MUC4: variants seen among roughly 807,000 people sequenced by gnomAD.
MUC4 encodes mucin-4.
MUC4 carries 202 observed loss-of-function variants against 257.9 expected under a neutral mutation model. The observed-to-expected ratio is 0.78, with a 90% CI of 0.70 to 0.88. The LOEUF is 0.88. MUC4 is among the 40% of genes least tolerant of loss of function. MUC4 has a pLI of 0.00. For missense variants in MUC4, 5,976 were observed against 6,513.7 expected (o/e 0.92, Z 2.84); for synonymous variants, 2,351 against 2,757.1 (o/e 0.85, Z 4.62).
At position 195,762,131 on chromosome 3, in the gene MUC4, G is replaced by A; in HGVS notation, c.14468C>T (p.Ala4823Val). Residue 4823 changes from alanine to valine, a missense_variant, in exon 14 of 25, where the codon GCC (alanine) becomes GTC (valine). This residue lies in a region of MUC4 where 996 missense variants were observed against 1,137.3 expected (regional missense o/e 0.88). Transcript: ENST00000463781. ...IALSNILHAS[A>V]SLPPEYQNRT... is the part of the protein sequence containing the mutation. ...GTTCTGGTACTCGGGCGGGAGGCTG[G>A]CGGAGGCGTGGAGGATGTTGGAGAG... 6.2e-7 allele frequency: 1 copy of A among 1,608,000 alleles called. No homozygotes were observed. Among genetic ancestry groups the A allele is most frequent in the Non-Finnish European group, 8.5e-7 (1 of 1,178,398 alleles).
intron 18 of MUC4, among the ~76,000 whole-genome samples, chr3:195,754,728 A>T (rs1717164566): frequency 6.6e-6 from 1 of 150,952 alleles, no homozygotes; most frequent in Non-Finnish European, 1.5e-5. Flanking sequence ...GAATGAATGA[A>T]TGTATCCATG....
rs978636642 is a variant in MUC4 at position 195,757,767 on chromosome 3, C to T, written c.14987-439G>A. On this transcript the variant is annotated intron_variant, in intron 17 of 24. Coordinates refer to ENST00000463781, the MANE Select transcript of MUC4 (RefSeq NM_018406.7). This position sits in a 1 kb window ranked among gnomAD's most constrained non-coding sequence, Gnocchi z 4.8. The stretch of plus-strand genomic sequence containing the variant: ...CTCACCCACCCCCCACTTCCTGGAC[C>T]TTTCCCAGACACCCCCTTCAGACAC... Among the ~76,000 whole-genome samples, 3 of 152,156 alleles carry T rather than the reference C, an allele frequency of 2.0e-5. No individual in the cohort carries two copies. The highest frequency in any genetic ancestry group is 4.4e-5 in the Non-Finnish European group (3 of 68,026).
chr3:195,767,585 T>TCGCCACCACCACCAC, intron 7 of MUC4, among the ~76,000 whole-genome samples: 1 of 58,742 alleles, frequency 1.7e-5, no homozygotes, highest in Non-Finnish European at 3.3e-5. Context: ...ACCACCACCA[T>TCGCCACCACCACCAC]CACCACCACC....
chr3:195,763,727 T>A (rs1719754620), intron 11 of MUC4, 86 bp from the exon 12 acceptor site: 2 of 1,314,420 alleles, frequency 1.5e-6, no homozygotes, highest in Non-Finnish European at 2.0e-6. Context: ...GCGGCACTTG[T>A]CCAGGAGGAC....
At chr3:195,772,915 TA>T (rs1723375919) in intron 4 of MUC4, among the ~76,000 whole-genome samples, 1 of 134,892 alleles carries the variant, frequency 7.4e-6, no homozygotes, top group Non-Finnish European at 1.6e-5. Context: ...CTCAGGGGTG[TA>T]GACACCCTCT....
chr3:195,804,532 G>C (rs1234156283), intron 1 of MUC4, among the ~76,000 whole-genome samples: 2 of 152,234 alleles, frequency 1.3e-5, no homozygotes, highest in African/African-American at 2.4e-5. Context: ...CTAGCATCTG[G>C]TCTGTTTGTC....
intron 1 of MUC4, among the ~76,000 whole-genome samples, chr3:195,792,671 T>C (rs1057261741): frequency 3.9e-5 from 6 of 152,174 alleles, no homozygotes; most frequent in Admixed American, 2.0e-4. Flanking sequence ...GTTATAAAGA[T>C]ACATGCACAC....
chr3:195,778,563 G>C (rs1725559539), intron 2 of MUC4, 108 bp from the exon 3 acceptor site: 15 of 1,442,532 alleles, frequency 1.0e-5, no homozygotes, highest in Non-Finnish European at 1.2e-5. Flanking sequence ...GAAACTCCTT[G>C]TCTCTCCCCT....
In MUC4 at chr3:195,747,265, C is replaced by G. The variant is rs1380236849; in HGVS notation, c.16150G>C (p.Gly5384Arg). 2 of 1,614,124 alleles carry G rather than the reference C, an allele frequency of 1.2e-6. No homozygotes were observed. The highest frequency in any genetic ancestry group is 1.7e-6 in the Non-Finnish European group (2 of 1,180,042). Residue 5384 changes from glycine (G) to arginine (R), a missense_variant, in exon 25 of 25, where the codon GGG (glycine) becomes CGG (arginine). Around this residue, in one of 44 missense-constraint regions of MUC4, gnomAD observed 310 missense variants for 242.1 expected, o/e 1.28. Transcript: ENST00000463781. ...FGALGGLLLLGVGTFVVLRFW... is the reference protein window; with the variant it reads ...FGALGGLLLLRVGTFVVLRFW... ...CGCAGGACCACGAACGTCCCGACCC[C>G]CAGCAGCAAGAGGCCGCCCAGGGCC...
At position 195,783,060 on chromosome 3, in the gene MUC4, T is replaced by G; in HGVS notation, c.8520A>C (p.Ser2840=). The change falls in exon 2 of 25, where the codon TCA becomes TCC. Residue 2840 remains serine (S), a synonymous_variant. Coordinates refer to ENST00000463781, the MANE Select transcript of MUC4 (RefSeq NM_018406.7). ...ATSLPVTIPS[S]ASSGHTTPLP... ...GAGGGGTGGTGTGACCTGAGGATGC[T>G]GAGGAAGGGATGGTGACAGGAAGAG... The G allele has an allele frequency of 1.2e-6, 1 of 807,540 alleles. No individual in the cohort carries two copies. Among genetic ancestry groups the G allele is most frequent in the Admixed American group, 3.0e-5 (1 of 33,326 alleles). The allele number at this position is 807,540 out of a possible 1,614,324, so 50.0% of individuals were successfully genotyped here.
Position 195,789,339 on chromosome 3 carries a change from T to C in MUC4, c.2241A>G (p.Thr747=), listed in dbSNP as rs749260570. 1 of 1,613,892 alleles carries C rather than the reference T, an allele frequency of 6.2e-7. No homozygotes were observed. Among genetic ancestry groups the C allele is most frequent in the East Asian group, 2.2e-5 (1 of 44,876 alleles). ...ALTLANSVVS[T]PGGPEGQWTS... is the part of the protein sequence containing the mutation. ...TCCATTGTCCTTCTGGGCCCCCTGG[T>C]GTTGACACTACAGAGTTGGCCAGAG... The change falls in exon 2 of 25, where the codon ACA becomes ACG. Residue 747 remains threonine (T), a synonymous_variant. Transcript: ENST00000463781.
At chr3:195,797,582 A>C (rs1734724296) in intron 1 of MUC4, among the ~76,000 whole-genome samples, 1 of 152,214 alleles carries the variant, frequency 6.6e-6, no homozygotes, top group South Asian at 2.1e-4. Context: ...GAATAAAAAC[A>C]AGATGCCAAC....
rs749210159 is a variant in MUC4 at position 195,789,221 on chromosome 3, T to C, written c.2359A>G (p.Thr787Ala). 7 of 1,613,740 alleles carry C rather than the reference T, an allele frequency of 4.3e-6. No individual in the cohort carries two copies. The Admixed American group carries it at 1.0e-4, about 23-fold the overall frequency. The change falls in exon 2 of 25, where the codon ACC becomes GCC. Residue 787 changes from threonine to alanine, a missense_variant. Thr to Ala is a moderately conservative substitution (Grantham distance 58). Around this residue, in one of 44 missense-constraint regions of MUC4, gnomAD observed 1,583 missense variants for 1,257.4 expected, o/e 1.26. Coordinates refer to ENST00000463781, the MANE Select transcript of MUC4 (RefSeq NM_018406.7). ...GACCCTGAGGAGGCCGGTTCGCTGG[T>C]CTGTGTTTGTCCAGAGGCCTCTGTG... ...ESTEASGQTQ[T>A]SEPASSGSRT...
chr3:195,805,092 G>A (rs955915206), intron 1 of MUC4, among the ~76,000 whole-genome samples: 2 of 144,850 alleles, frequency 1.4e-5, no homozygotes, highest in African/African-American at 2.6e-5. Context: ...ATGGAGTCTC[G>A]CTCTGTCGCC....
Position 195,790,268 on chromosome 3 carries a change from G to C in MUC4, c.1312C>G (p.Leu438Val). Residue 438 changes from leucine to valine, a missense_variant, in exon 2 of 25, where the codon CTC (leucine) becomes GTC (valine). Physicochemically the swap from Leu to Val is conservative, Grantham distance 32. Transcript: ENST00000463781. ...IWWSDTLSTA[L>V]SPSSLPPKIS... ...TTTGGAGGTAGAGAACTGGGGGAGA[G>C]TGCTGTTGACAGAGTGTCTGACCAC... 1 of 1,614,018 alleles carries C rather than the reference G, an allele frequency of 6.2e-7. No individual in the cohort carries two copies. The highest frequency in any genetic ancestry group is 1.1e-5 in the South Asian group (1 of 91,090).
At chr3:195,759,642 G>GA (rs1718362637) in intron 16 of MUC4, among the ~76,000 whole-genome samples, 2 of 152,162 alleles carry the variant, frequency 1.3e-5, no homozygotes, top group Non-Finnish European at 2.9e-5. Context: ...AACCTGAAGG[G>GA]TGCTGGGTGT....
intron 18 of MUC4, among the ~76,000 whole-genome samples, chr3:195,756,134 G>A (rs1355691512): frequency 2.0e-5 from 3 of 152,180 alleles, no homozygotes; most frequent in African/African-American, 7.2e-5. Flanking sequence ...AGAGGGACCC[G>A]CAGCTCTCTT....
chr3:195,776,420 C>A (rs1724739602), intron 3 of MUC4, among the ~76,000 whole-genome samples: 1 of 55,446 alleles, frequency 1.8e-5, no homozygotes, highest in Non-Finnish European at 3.4e-5. Context: ...CACACCCATA[C>A]CTTCCACACC....
rs1732401267 is a variant in MUC4 at position 195,786,956 on chromosome 3, GGCTAGT to G, written c.4618_4623del (p.Thr1540_Ser1541del). The G allele has an allele frequency of 1.2e-6, 1 of 857,146 alleles. No homozygotes were observed. Among genetic ancestry groups the G allele is most frequent in the African/African-American group, 2.2e-5 (1 of 45,938 alleles). The allele number at this position is 857,146 out of a possible 1,614,324, so 53.1% of individuals were successfully genotyped here. The stretch of plus-strand genomic sequence containing the variant: ...GTGTCACCTGTGGATGCTGAGGAAG[GGCTAGT>G]GACAGGAAGAGGCATGGTGTCACCT... On this transcript the variant is annotated inframe_deletion, in exon 2 of 25. Transcript: ENST00000463781.
Sources: allele counts gnomAD v4.1 joint callset (sites outside exome capture counted in the v4.1 genomes callset), GRCh38; gene constraint gnomAD v4.1.1; regional missense constraint gnomAD v4.1.1; non-coding constraint Gnocchi (gnomAD v3.1); transcripts MANE v1.5; gene names NCBI Gene and HGNC (gene_info 2026-07-23, HGNC 2026-07-21).